The following LAMP5 variants were observed in gnomAD, a reference collection of about 807,000 sequenced individuals.
LAMP5 encodes lysosome-associated membrane glycoprotein 5.
Under a neutral mutation model 30.2 loss-of-function variants are expected in LAMP5, and 36 were observed. That is an observed-to-expected ratio of 1.19 (90% confidence interval 0.91 to 1.57). The LOEUF is 1.57. Among genes scored for constraint, LAMP5 ranks in the 40% most tolerant of loss-of-function variants. LAMP5 has a pLI of 0.00. For synonymous variants in LAMP5, 149 were observed against 134.6 expected (o/e 1.11, Z -0.74); for missense variants, 377 against 354.9 (o/e 1.06, Z -0.50).
intron 4 of LAMP5, among the ~76,000 whole-genome samples, chr20:9,516,717 C>T (rs1297210253): frequency 6.6e-6 from 1 of 152,114 alleles, no homozygotes; most frequent in African/African-American, 2.4e-5. Flanking sequence ...AATTTTCTTC[C>T]GCATCCTGGT....
At chr20:9,520,216 C>T (rs1209934970) in intron 5 of LAMP5, among the ~76,000 whole-genome samples, 1 of 152,228 alleles carries the variant, frequency 6.6e-6, no homozygotes, top group East Asian at 1.9e-4. Flanking sequence ...AGGATGTTCT[C>T]TCCTGTATGG....
chr20:9,524,616 AC>A (rs67250318), intron 5 of LAMP5, among the ~76,000 whole-genome samples: 15,458 of 132,776 alleles, frequency 0.12, 572 homozygotes, highest in African/African-American at 0.2. Flanking sequence ...AAAAAAAAAA[AC>A]AAACAAAAAA....
At position 9,515,645 on chromosome 20, in the gene LAMP5, C is replaced by CT. The variant is rs770400202; in HGVS notation, c.237+20_237+21insT. 5.7e-4 allele frequency: 922 copies of CT among 1,611,764 alleles called. No homozygotes were observed. Among genetic ancestry groups the CT allele is most frequent in the Admixed American group, 6.2e-4 (37 of 59,922 alleles). On this transcript the variant is annotated intron_variant, in intron 2 of 5. Coordinates refer to ENST00000246070, the MANE Select transcript of LAMP5 (RefSeq NM_012261.4). ...GTAGATGTAAGGAATCTTTCCCCCC[C>CT]CTCAGCTTGCTCCTAGGGCTCCAGG...
At chr20:9,525,734 C>G (rs1440468976) in intron 5 of LAMP5, among the ~76,000 whole-genome samples, 1 of 152,202 alleles carries the variant, frequency 6.6e-6, no homozygotes, top group Non-Finnish European at 1.5e-5. Context: ...TCTTCCCAAT[C>G]CAACTCCAAC....
rs758888276 is a variant in LAMP5, at chr20:9,515,981, G to T, written c.238-19G>T. 148 of 1,486,794 alleles carry T rather than the reference G, an allele frequency of 1.0e-4. No individual in the cohort carries two copies. Among genetic ancestry groups the T allele is most frequent in the Admixed American group, 2.0e-4 (8 of 39,888 alleles). 92.1% of individuals were successfully genotyped at this position (1,486,794 alleles called of 1,614,324 possible). On this transcript the variant is annotated intron_variant, in intron 2 of 5. Transcript: ENST00000246070. The stretch of plus-strand genomic sequence containing the variant: ...GGGGCCGGGCGAGCTGAGGGGGCGC[G>T]GGGCGTCTGTGTTCCCAGCTGATCA...
At position 9,530,447 on chromosome 20, in the gene LAMP5, G is replaced by A. The variant is rs2122855402; in HGVS notation, c.*627G>A. The A allele has an allele frequency of 6.5e-6, 1 of 152,744 alleles. No homozygotes were observed. Among genetic ancestry groups the A allele is most frequent in the Non-Finnish European group, 1.5e-5 (1 of 68,032 alleles). The allele number at this position is 152,744 out of a possible 1,614,324, so 9.5% of individuals were successfully genotyped here. A position where few individuals can be genotyped will look rare whatever the true frequency, so the allele number is the denominator to read the frequency against. On this transcript the variant is annotated 3_prime_UTR_variant, in exon 6 of 6. Coordinates refer to ENST00000246070, the MANE Select transcript of LAMP5 (RefSeq NM_012261.4). The stretch of plus-strand genomic sequence containing the variant: ...TTGTTTGGACTTCTTCCTGTGCCAG[G>A]TCCAAGTCGGGGGACCTGAAGAATC...
In LAMP5 at chr20:9,529,745, C is replaced by T; in HGVS notation, c.768C>T (p.Tyr256=). The T allele has an allele frequency of 6.2e-7, 1 of 1,614,190 alleles. No individual in the cohort carries two copies. Among genetic ancestry groups the T allele is most frequent in the Admixed American group, 1.7e-5 (1 of 60,024 alleles). ...TCATCATGGTAACACTCGCGATTTA[C>T]CACGTCCACCACAAAATGACTGCCA... ...GLVIMVTLAI[Y]HVHHKMTANQ... is the part of the protein sequence containing the mutation. Residue 256 remains tyrosine (Y), a synonymous_variant, in exon 6 of 6, where the codon TAC becomes TAT. Transcript: ENST00000246070.
intron 5 of LAMP5, among the ~76,000 whole-genome samples, chr20:9,524,621 C>CA (rs1302966726): frequency 1.2e-4 from 12 of 104,312 alleles, no homozygotes; most frequent in South Asian, 3.2e-4. Flanking sequence ...AAAAAACAAA[C>CA]AAAAAAAACC....
chr20:9,514,624 G>C lies in LAMP5; in HGVS notation c.-229G>C, dbSNP rs1182612094. ...TCAGCACTCGCAGCCGTGGACCGCC[G>C]TGCGGTCCTTTCCTCCGCAGTGAGC... is the stretch of plus-strand genomic sequence containing the variant. On this transcript the variant is annotated 5_prime_UTR_variant, in exon 1 of 6. Transcript: ENST00000246070. The C allele has an allele frequency of 4.8e-5, 18 of 375,788 alleles. No homozygotes were observed. Among genetic ancestry groups the C allele is most frequent in the East Asian group, 1.6e-4 (3 of 18,844 alleles). 23.3% of individuals were successfully genotyped at this position (375,788 alleles called of 1,614,324 possible).
chr20:9,514,625 TGC>T lies in LAMP5; in HGVS notation c.-226_-225del, dbSNP rs2045019933. On this transcript the variant is annotated 5_prime_UTR_variant, in exon 1 of 6. Transcript: ENST00000246070. ...CAGCACTCGCAGCCGTGGACCGCCGTGCGGTCCTTTCCTCCGCAGTGAGCCGA... is the reference window on the plus strand; with the variant it reads ...CAGCACTCGCAGCCGTGGACCGCCGTGGTCCTTTCCTCCGCAGTGAGCCGA... The T allele has an allele frequency of 2.5e-6, 1 of 400,022 alleles. No individual in the cohort carries two copies. Among genetic ancestry groups the T allele is most frequent in the Non-Finnish European group, 4.6e-6 (1 of 215,106 alleles). 24.8% of individuals were successfully genotyped at this position (400,022 alleles called of 1,614,324 possible).
At chr20:9,514,954 A>AGTC in intron 1 of LAMP5, 38 bp downstream of exon 1, 1 of 1,582,312 alleles carries the variant, frequency 6.3e-7, no homozygotes, top group East Asian at 2.2e-5. Flanking sequence ...GAGGACGGGC[A>AGTC]CTCTTTGCAG....
At chr20:9,522,014 AT>A (rs2045082652) in intron 5 of LAMP5, among the ~76,000 whole-genome samples, 1 of 152,234 alleles carries the variant, frequency 6.6e-6, no homozygotes, top group South Asian at 2.1e-4. Context: ...TGAGATCCCC[AT>A]TTACAGTGGA....
intron 2 of LAMP5, 138 bp from the exon 3 acceptor site, chr20:9,515,862 G>T (rs551811562): frequency 1.4e-4 from 145 of 1,064,582 alleles, no homozygotes; most frequent in East Asian, 1.9e-4. Flanking sequence ...GCATCTAACC[G>T]CATGTTCCCG....
rs1568946239 is a variant in LAMP5 at position 9,528,903 on chromosome 20, C to CTG, written c.665-739_665-738insTG. 4.9e-4 allele frequency among the ~76,000 whole-genome samples: 74 copies of CTG among 152,328 alleles called. 2 individuals are homozygous for CTG. The highest frequency in any genetic ancestry group is 1.6e-3 in the African/African-American group (66 of 41,584). ...CTGTCAGCATAATATTTCTGAGATG[C>CTG]ACCCATTTTGTTATGTGTAGCCATA... On this transcript the variant is annotated intron_variant, in intron 5 of 5. Coordinates refer to ENST00000246070, the MANE Select transcript of LAMP5 (RefSeq NM_012261.4).
intron 5 of LAMP5, among the ~76,000 whole-genome samples, chr20:9,520,301 C>G (rs1161781122): frequency 1.3e-5 from 2 of 152,218 alleles, no homozygotes; most frequent in East Asian, 3.8e-4. Flanking sequence ...GATCAGTGTG[C>G]CTTTGTGTGG....
Position 9,514,613 on chromosome 20 carries a change from C to T in LAMP5, c.-240C>T, listed in dbSNP as rs1008744279. On this transcript the variant is annotated 5_prime_UTR_variant, in exon 1 of 6. Transcript: ENST00000246070. The stretch of plus-strand genomic sequence containing the variant: ...TCGGATTGCTTTCAGCACTCGCAGC[C>T]GTGGACCGCCGTGCGGTCCTTTCCT... 4.6e-5 allele frequency: 25 copies of T among 548,098 alleles called. No homozygotes were observed. Among genetic ancestry groups the T allele is most frequent in the East Asian group, 1.8e-4 (6 of 33,070 alleles). 34.0% of individuals were successfully genotyped at this position (548,098 alleles called of 1,614,324 possible).
chr20:9,517,518 G>A (rs1362906133), intron 4 of LAMP5, among the ~76,000 whole-genome samples: 1 of 151,804 alleles, frequency 6.6e-6, no homozygotes, highest in Non-Finnish European at 1.5e-5. Flanking sequence ...GATCACCACA[G>A]CCTGGAGTAA....
At chr20:9,525,946 T>G (rs1240048033) in intron 5 of LAMP5, among the ~76,000 whole-genome samples, 1 of 152,224 alleles carries the variant, frequency 6.6e-6, no homozygotes, top group Non-Finnish European at 1.5e-5. Flanking sequence ...TCTGGCTGAT[T>G]GTTTGCCTGG....
rs1603165395 is a variant in LAMP5 at position 9,514,604 on chromosome 20, A to C, written c.-249A>C. The C allele has an allele frequency of 1.9e-6, 1 of 540,354 alleles. No homozygotes were observed. Among genetic ancestry groups the C allele is most frequent in the East Asian group, 3.1e-5 (1 of 32,518 alleles). 33.5% of individuals were successfully genotyped at this position (540,354 alleles called of 1,614,324 possible). A position where few individuals can be genotyped will look rare whatever the true frequency, so the allele number is the denominator to read the frequency against. ...GCCACACAATCGGATTGCTTTCAGC[A>C]CTCGCAGCCGTGGACCGCCGTGCGG... On this transcript the variant is annotated 5_prime_UTR_variant, in exon 1 of 6. Transcript: ENST00000246070.
Sources: allele counts gnomAD v4.1 joint callset (sites outside exome capture counted in the v4.1 genomes callset), GRCh38; gene constraint gnomAD v4.1.1; transcripts MANE v1.5; gene names NCBI Gene and HGNC (gene_info 2026-07-23, HGNC 2026-07-21).